Variants in ABCA10 observed in about 807,000 individuals in gnomAD.
ABCA10 encodes ATP-binding cassette sub-family A member 10.
ABCA10 carries 169 observed loss-of-function variants against 187.5 expected under a neutral mutation model. The ratio of observed to expected loss-of-function variants is 0.90; its 90% confidence interval spans 0.80 to 1.02. The LOEUF (loss-of-function observed/expected upper bound fraction) is 1.02, where lower values mean the gene tolerates loss of function less well. ABCA10 is among the 50% of genes least tolerant of loss of function. The pLI is 0.00. For synonymous variants in ABCA10, 574 were observed against 601.8 expected (o/e 0.95, Z 0.68); for missense variants, 1,727 against 1,812.4 (o/e 0.95, Z 0.86).
At chr17:69,166,259 G>A (rs2084415815) in intron 25 of ABCA10, among the ~76,000 whole-genome samples, 1 of 151,418 alleles carries the variant, frequency 6.6e-6, no homozygotes, top group African/African-American at 2.4e-5. Flanking sequence ...CATAAACTTT[G>A]AATAATACCG....
In ABCA10 at chr17:69,162,842, T is replaced by TACATATACATATAC. The variant is rs377270606; in HGVS notation, c.3363+1231_3363+1232insGTATATGTATATGT. On this transcript the variant is annotated intron_variant, in intron 27 of 38. Coordinates refer to ENST00000690296, the MANE Select transcript of ABCA10 (RefSeq NM_001377321.1). The stretch of plus-strand genomic sequence containing the variant: ...ATACATATACATATACATATACATA[T>TACATATACATATAC]ATATATATATATATGAGACGGAGTC... Among the ~76,000 whole-genome samples the TACATATACATATAC allele has an allele frequency of 5.0e-3, 730 of 147,304 alleles. 3 individuals carry two copies. The highest frequency in any genetic ancestry group is 5.4e-3 in the Non-Finnish European group (365 of 67,020).
At chr17:69,223,396 G>A (rs149424418) in intron 3 of ABCA10, among the ~76,000 whole-genome samples, 69 of 152,286 alleles carry the variant, frequency 4.5e-4, no homozygotes, top group African/African-American at 1.6e-3. Flanking sequence ...AGAATTAAGT[G>A]TATAGTAATC....
At chr17:69,192,106 C>T (rs980253010) in intron 16 of ABCA10, among the ~76,000 whole-genome samples, 5 of 152,168 alleles carry the variant, frequency 3.3e-5, no homozygotes, top group African/African-American at 9.7e-5. Flanking sequence ...AGGCAGATCA[C>T]GAGGTCAGGA....
At chr17:69,218,698 AT>A (rs2074724428) in intron 6 of ABCA10, among the ~76,000 whole-genome samples, 1 of 152,040 alleles carries the variant, frequency 6.6e-6, no homozygotes, top group African/African-American at 2.4e-5. Flanking sequence ...ATGGAGAGAG[AT>A]GTCTTTTACC....
intron 5 of ABCA10, among the ~76,000 whole-genome samples, chr17:69,220,313 A>G (rs549917213): frequency 1.8e-4 from 27 of 152,316 alleles, no homozygotes; most frequent in African/African-American, 6.0e-4. Context: ...AAGAAGGTGT[A>G]TAGTGCGTTG....
At chr17:69,198,370 T>A (rs2074521136) in intron 10 of ABCA10, among the ~76,000 whole-genome samples, 1 of 152,216 alleles carries the variant, frequency 6.6e-6, no homozygotes, top group Admixed American at 6.5e-5. Flanking sequence ...CTTTTCAGTA[T>A]CAGATTTTGC....
chr17:69,163,076 G>A (rs1389373670), intron 27 of ABCA10, among the ~76,000 whole-genome samples: 4 of 151,978 alleles, frequency 2.6e-5, no homozygotes, highest in Admixed American at 2.6e-4. Context: ...ACCTCAGGTG[G>A]TCCACCCACC....
intron 9 of ABCA10, among the ~76,000 whole-genome samples, chr17:69,211,314 GATATATATATATATATAT>G (rs58580286): frequency 7.9e-4 from 24 of 30,352 alleles, no homozygotes; most frequent in South Asian, 2.4e-3. Context: ...TCATATATAT[GATATATATATATATATAT>G]ATATATATAT....
chr17:69,191,304 T>G lies in ABCA10; in HGVS notation c.1883A>C (p.Asn628Thr). 1 of 1,566,746 alleles carries G rather than the reference T, an allele frequency of 6.4e-7. No homozygotes were observed. The highest frequency in any genetic ancestry group is 8.7e-7 in the Non-Finnish European group (1 of 1,153,000). ...GIGYHLSLHR[N>T]EMCDTEKITS... ...GATTTTTTCTGTGTCACACATTTCA[T>G]TCCTGTGTAAACTATTATTTCAAAA... is the stretch of plus-strand genomic sequence containing the variant. The change falls in exon 17 of 39, where the codon AAT becomes ACT. Residue 628 changes from asparagine (N) to threonine (T), a missense_variant. Asn to Thr is a moderately conservative substitution (Grantham distance 65, BLOSUM62 0). Transcript: ENST00000690296.
chr17:69,173,697 T>C (rs912835068), intron 25 of ABCA10, among the ~76,000 whole-genome samples: 7 of 152,292 alleles, frequency 4.6e-5, no homozygotes, highest in African/African-American at 1.7e-4. Flanking sequence ...AATTGGACTG[T>C]TTTAATGTTT....
Position 69,216,124 on chromosome 17 carries a change from T to C in ABCA10, c.672+93A>G, listed in dbSNP as rs58789163. ...CATATAGAAAATAGGATAGAAAATA[T>C]AGTGATTACACTAATATCCCAAAGA... On this transcript the variant is annotated intron_variant, in intron 7 of 38. Transcript: ENST00000690296. The C allele has an allele frequency of 3.6e-3, 5,499 of 1,543,420 alleles. 185 individuals are homozygous for C. The African/African-American group carries it at 0.068, about 19-fold the overall frequency.
At chr17:69,223,330 C>T (rs1238971985) in intron 3 of ABCA10, among the ~76,000 whole-genome samples, 3 of 151,910 alleles carry the variant, frequency 2.0e-5, no homozygotes, top group South Asian at 4.2e-4. Flanking sequence ...AATCAGAGTA[C>T]AAAAATAAAA....
chr17:69,182,537 CAAAG>C (rs1018783863), intron 21 of ABCA10, 134 bp downstream of exon 21: 35 of 1,106,730 alleles, frequency 3.2e-5, no homozygotes, highest in African/African-American at 9.8e-5. Context: ...TTTTATGTGA[CAAAG>C]AAAGTTTCAA....
intron 19 of ABCA10, 115 bp downstream of exon 19, chr17:69,187,566 G>A (rs949824742): frequency 2.1e-5 from 24 of 1,138,794 alleles, no homozygotes; most frequent in Admixed American, 2.7e-5. Context: ...AGCAGGATAG[G>A]TAAACATACA....
chr17:69,151,592 G>A (rs987860335), intron 36 of ABCA10, among the ~76,000 whole-genome samples: 2 of 152,056 alleles, frequency 1.3e-5, no homozygotes, highest in Non-Finnish European at 2.9e-5. Context: ...AGAAACATTG[G>A]GAGGATCAAA....
chr17:69,240,151 C>A (rs1418650555), intron 1 of ABCA10, among the ~76,000 whole-genome samples: 1 of 152,204 alleles, frequency 6.6e-6, no homozygotes, highest in Non-Finnish European at 1.5e-5. Context: ...CCCTTAAAAT[C>A]CAGTCCCATG....
At chr17:69,189,883 A>G (rs536637652) in intron 18 of ABCA10, among the ~76,000 whole-genome samples, 82 of 152,188 alleles carry the variant, frequency 5.4e-4, no homozygotes, top group African/African-American at 1.9e-3. Flanking sequence ...TGGTCTATGT[A>G]TAGTAGCCTC....
intron 25 of ABCA10, among the ~76,000 whole-genome samples, chr17:69,173,649 G>T (rs1001397587): frequency 6.6e-6 from 1 of 152,052 alleles, no homozygotes; most frequent in African/African-American, 2.4e-5. Context: ...CAACCTTTTA[G>T]ATTTTTTTTA....
intron 1 of ABCA10, among the ~76,000 whole-genome samples, chr17:69,243,289 GCAT>G (rs1179854135): frequency 6.6e-6 from 1 of 152,164 alleles, no homozygotes; most frequent in Non-Finnish European, 1.5e-5. Flanking sequence ...TCTGGGAAAT[GCAT>G]CATTAGGCAA....
Sources: gnomAD v4.1 joint callset for allele counts (sites outside exome capture counted in the v4.1 genomes callset) on GRCh38, gnomAD v4.1.1 for gene constraint, MANE v1.5 for transcripts, NCBI Gene and HGNC (gene_info 2026-07-23, HGNC 2026-07-21) for gene names.